EFCAB5: variants seen among roughly 807,000 people sequenced by gnomAD.
The protein encoded by EFCAB5 is EF-hand calcium-binding domain-containing protein 5.
In EFCAB5, 131 loss-of-function variants were observed where a neutral mutation model predicts 167.9. The observed-to-expected ratio is 0.78, with a 90% CI of 0.68 to 0.90. EFCAB5 has a LOEUF of 0.90. Ranked by LOEUF, EFCAB5 falls within the 40% of genes least tolerant of loss-of-function variation. The pLI is 0.00. For synonymous variants in EFCAB5, 574 were observed against 602.8 expected, an observed-to-expected ratio of 0.95 and a Z score of 0.70; for missense variants, 1,663 against 1,745.2, an observed-to-expected ratio of 0.95 and a Z score of 0.84.
At chr17:29,967,034 C>T (rs1020654933) in intron 3 of EFCAB5, among the ~76,000 whole-genome samples, 26 of 152,064 alleles carry the variant, frequency 1.7e-4, no homozygotes, top group Non-Finnish European at 1.6e-4. Context: ...GGTCTACGTT[C>T]TCTTAAGTGT....
chr17:29,959,167 T>C (rs112199395), intron 3 of EFCAB5, among the ~76,000 whole-genome samples: 3,055 of 152,018 alleles, frequency 0.02, 96 homozygotes, highest in African/African-American at 0.069. Flanking sequence ...TGCTGATGTT[T>C]ATTCAAGGCC....
At chr17:29,934,602 T>C (rs2067230041) in intron 1 of EFCAB5, among the ~76,000 whole-genome samples, 1 of 152,242 alleles carries the variant, frequency 6.6e-6, no homozygotes, top group African/African-American at 2.4e-5. Context: ...TATCTGAGGC[T>C]GTAAGTCCTG....
At chr17:30,078,796 T>C (rs1208849617) in intron 15 of EFCAB5, among the ~76,000 whole-genome samples, 1 of 152,194 alleles carries the variant, frequency 6.6e-6, no homozygotes, top group Non-Finnish European at 1.5e-5. Flanking sequence ...AAGCCTAGAA[T>C]GGACAATAGA....
At chr17:30,045,328 C>T (rs972668980) in intron 8 of EFCAB5, among the ~76,000 whole-genome samples, 2 of 151,648 alleles carry the variant, frequency 1.3e-5, no homozygotes, top group Non-Finnish European at 2.9e-5. Context: ...TATGGTGGCA[C>T]GTGCCTGTAG....
chr17:30,078,086 T>G (rs1483025148), intron 14 of EFCAB5, 129 bp from the exon 15 acceptor site: 3 of 919,798 alleles, frequency 3.3e-6, no homozygotes, highest in Non-Finnish European at 4.8e-6. Flanking sequence ...AGAGATGCCT[T>G]TGGTATACTT....
At chr17:30,022,989 A>G (rs1249157537) in intron 7 of EFCAB5, among the ~76,000 whole-genome samples, 1 of 152,104 alleles carries the variant, frequency 6.6e-6, no homozygotes, top group African/African-American at 2.4e-5. Context: ...CAACGAGAAC[A>G]AAGACACAAC....
chr17:30,007,561 T>C (rs1336147286), intron 7 of EFCAB5, among the ~76,000 whole-genome samples: 1 of 152,254 alleles, frequency 6.6e-6, no homozygotes, highest in East Asian at 1.9e-4. Flanking sequence ...AGGTCTTCTC[T>C]GACCATGTCA....
chr17:30,086,965 TA>T, intron 18 of EFCAB5, 97 bp from the exon 19 acceptor site: 1 of 1,011,248 alleles, frequency 9.9e-7, no homozygotes, highest in Admixed American at 2.4e-5. Flanking sequence ...AGAGGTCATC[TA>T]AGCTTTCCTA....
rs527604948 is a variant in EFCAB5 at position 30,020,948 on chromosome 17, G to T, written c.1045-13282G>T. 2.7e-3 allele frequency among the ~76,000 whole-genome samples: 101 copies of T among 37,916 alleles called. 1 individual carries two copies. The South Asian group carries it at 0.049, about 18-fold the overall frequency. 24.9% of individuals were successfully genotyped at this position (37,916 alleles called of 152,430 possible). Reference sequence around the variant, plus strand: ...CAAATAATTACAAATTATTGTATCAGCATGTCAGAGGAGGAACATTAACAG... The same window carrying T: ...CAAATAATTACAAATTATTGTATCATCATGTCAGAGGAGGAACATTAACAG... On this transcript the variant is annotated intron_variant, in intron 7 of 22. Transcript: ENST00000394835.
Position 29,958,237 on chromosome 17 carries a change from C to T in EFCAB5, c.191-10554C>T, listed in dbSNP as rs148240314. On this transcript the variant is annotated intron_variant, in intron 3 of 22. Coordinates refer to ENST00000394835, the MANE Select transcript of EFCAB5 (RefSeq NM_198529.4). ...TATCCTTTTAAATAAACTTTCTACC[C>T]AAATCTCTCTCTCTACCTTCTCTTT... Among the ~76,000 whole-genome samples the T allele has an allele frequency of 4.5e-3, 689 of 152,146 alleles. 8 individuals carry two copies. The highest frequency in any genetic ancestry group is 0.016 in the African/African-American group (652 of 41,512).
At chr17:29,993,934 T>C (rs2068477526) in intron 5 of EFCAB5, among the ~76,000 whole-genome samples, 1 of 151,018 alleles carries the variant, frequency 6.6e-6, no homozygotes, top group Admixed American at 6.6e-5. Flanking sequence ...GCCTAGGCAA[T>C]ATAGGGAGAC....
intron 10 of EFCAB5, among the ~76,000 whole-genome samples, chr17:30,055,077 C>T (rs944288479): frequency 6.6e-6 from 1 of 151,994 alleles, no homozygotes; most frequent in Non-Finnish European, 1.5e-5. Context: ...ACGGGTGGAT[C>T]GCTTGAGCCC....
chr17:30,048,897 G>A (rs1310607891), intron 8 of EFCAB5, among the ~76,000 whole-genome samples: 3 of 152,086 alleles, frequency 2.0e-5, no homozygotes, highest in African/African-American at 7.2e-5. Flanking sequence ...ACAACTATTG[G>A]TCTGGCAAAT....
intron 19 of EFCAB5, 96 bp from the exon 20 acceptor site, chr17:30,090,325 G>C: frequency 6.9e-7 from 1 of 1,459,746 alleles, no homozygotes; most frequent in South Asian, 1.4e-5. Flanking sequence ...TGGTGGAAGT[G>C]AGGTAGGCAC....
chr17:30,036,666 A>T (rs1437447792), intron 8 of EFCAB5, among the ~76,000 whole-genome samples: 1 of 152,040 alleles, frequency 6.6e-6, no homozygotes, highest in Non-Finnish European at 1.5e-5. Flanking sequence ...AGCTCTAGAG[A>T]TCTTCCCACC....
chr17:29,947,003 G>A (rs1312167224), intron 3 of EFCAB5, among the ~76,000 whole-genome samples: 6 of 151,730 alleles, frequency 4.0e-5, no homozygotes, highest in Middle Eastern at 3.2e-3. Flanking sequence ...GTGAAACCCC[G>A]TCTGTACTAA....
At chr17:30,073,238 G>T in intron 14 of EFCAB5, 1 of 662,732 alleles carries the variant, frequency 1.5e-6, no homozygotes, top group Non-Finnish European at 2.7e-6. Context: ...CTAATTTTTG[G>T]TATGGATGGG....
chr17:30,028,478 G>T (rs2069390533), intron 7 of EFCAB5, among the ~76,000 whole-genome samples: 1 of 152,174 alleles, frequency 6.6e-6, no homozygotes, highest in Non-Finnish European at 1.5e-5. Context: ...TGGCGAGGTT[G>T]AGGCAAGTAT....
chr17:30,061,122 G>T (rs1275272060), intron 14 of EFCAB5, among the ~76,000 whole-genome samples: 2 of 152,170 alleles, frequency 1.3e-5, no homozygotes, highest in African/African-American at 4.8e-5. Context: ...GAAGGATTAA[G>T]CCCAGCAAAT....
Sources: gnomAD v4.1 joint callset for allele counts (sites outside exome capture counted in the v4.1 genomes callset) on GRCh38, gnomAD v4.1.1 for gene constraint, MANE v1.5 for transcripts, NCBI Gene and HGNC (gene_info 2026-07-23, HGNC 2026-07-21) for gene names.